Variants in XKR6 observed in about 807,000 individuals in gnomAD.
The protein encoded by XKR6 is XK related 6.
A neutral mutation model predicts 56.7 loss-of-function variants in XKR6; 22 were observed. That is an observed-to-expected ratio of 0.39 (90% CI 0.28 to 0.55). The LOEUF is 0.55. XKR6 is among the 20% of genes least tolerant of loss of function. The pLI is 0.66. For synonymous variants in XKR6, 524 were observed against 387.8 expected (o/e 1.35, Z -4.13); for missense variants, 852 against 889.0 (o/e 0.96, Z 0.53).
intron 1 of XKR6, among the ~76,000 whole-genome samples, chr8:11,196,874 A>T (rs1803918757): frequency 6.6e-6 from 1 of 152,210 alleles, no homozygotes; most frequent in African/African-American, 2.4e-5. Context: ...GACCCATAAT[A>T]AACTAAGTAT....
chr8:11,135,057 G>T (rs1450563583), intron 1 of XKR6, among the ~76,000 whole-genome samples: 1 of 149,040 alleles, frequency 6.7e-6, no homozygotes, highest in South Asian at 2.1e-4. Flanking sequence ...TTTTGAGGCG[G>T]AGTCTCCCTC....
intron 1 of XKR6, among the ~76,000 whole-genome samples, chr8:10,946,552 C>A (rs960261861): frequency 6.6e-6 from 1 of 151,986 alleles, no homozygotes; most frequent in Admixed American, 6.6e-5. Flanking sequence ...GCGTGTCCTG[C>A]GGTTTTCCCT....
chr8:11,028,882 C>T (rs926502354), intron 1 of XKR6, among the ~76,000 whole-genome samples: 1 of 152,188 alleles, frequency 6.6e-6, no homozygotes, highest in Non-Finnish European at 1.5e-5. Context: ...CAAGGTCACA[C>T]TGCTGGCAGG....
intron 1 of XKR6, chr8:11,106,813 T>G (rs1275259125): frequency 4.5e-5 from 6 of 133,526 alleles, no homozygotes; most frequent in South Asian, 2.4e-4. Flanking sequence ...TCATGCCACT[T>G]GTACTCCAGC....
intron 1 of XKR6, among the ~76,000 whole-genome samples, chr8:11,002,082 C>T (rs12547653): frequency 2.1e-5 from 2 of 96,144 alleles, no homozygotes; most frequent in East Asian, 4.5e-4. Context: ...AAAAAAAAAA[C>T]ACACAAAAAA....
intron 1 of XKR6, among the ~76,000 whole-genome samples, chr8:10,998,385 G>A (rs1472940870): frequency 2.6e-5 from 4 of 152,162 alleles, no homozygotes; most frequent in Non-Finnish European, 4.4e-5. Context: ...TGACCTGCAA[G>A]CCCTAGAATA....
At chr8:11,081,358 A>G (rs1305242073) in intron 1 of XKR6, among the ~76,000 whole-genome samples, 1 of 152,214 alleles carries the variant, frequency 6.6e-6, no homozygotes, top group African/African-American at 2.4e-5. Context: ...TCCAATGTCA[A>G]ATAGGTTATC....
chr8:11,100,218 A>G (rs1277941838), intron 1 of XKR6, among the ~76,000 whole-genome samples: 1 of 152,010 alleles, frequency 6.6e-6, no homozygotes, highest in Admixed American at 6.5e-5. Context: ...ATGCCGAGCT[A>G]ATTTTCCGTA....
At chr8:11,039,728 C>T (rs1438565761) in intron 1 of XKR6, among the ~76,000 whole-genome samples, 4 of 152,234 alleles carry the variant, frequency 2.6e-5, no homozygotes, top group African/African-American at 9.6e-5. Flanking sequence ...CCAAGGACGG[C>T]AGCTGAGACC....
chr8:11,089,161 G>C (rs1797985976), intron 1 of XKR6, among the ~76,000 whole-genome samples: 1 of 152,158 alleles, frequency 6.6e-6, no homozygotes. Context: ...AATGAAACCA[G>C]GGAGTGGAGG....
chr8:11,151,307 T>C (rs992923563), intron 1 of XKR6, among the ~76,000 whole-genome samples: 3 of 152,226 alleles, frequency 2.0e-5, no homozygotes, highest in South Asian at 2.1e-4. Flanking sequence ...AGTTCATGTA[T>C]ACTAATAAAA....
At chr8:11,059,672 AGGTGCGGCG>A (rs879671889) in intron 1 of XKR6, among the ~76,000 whole-genome samples, 11,189 of 147,088 alleles carry the variant, frequency 0.076, 1,340 homozygotes, top group African/African-American at 0.25. Flanking sequence ...GGGGCGGGAC[AGGTGCGGCG>A]GGCGCGGGGC....
intron 1 of XKR6, among the ~76,000 whole-genome samples, chr8:10,945,178 A>G (rs1801497543): frequency 6.6e-6 from 1 of 152,104 alleles, no homozygotes; most frequent in South Asian, 2.1e-4. Flanking sequence ...GTTGCAAAAA[A>G]CTTGATTAAA....
intron 1 of XKR6, among the ~76,000 whole-genome samples, chr8:11,110,699 T>G (rs898802479): frequency 3.9e-5 from 6 of 152,216 alleles, no homozygotes; most frequent in Non-Finnish European, 1.5e-5. Flanking sequence ...GAAAAAAAGA[T>G]AGCCGCTCGA....
intron 1 of XKR6, among the ~76,000 whole-genome samples, chr8:11,157,218 C>T (rs775925465): frequency 1.6e-4 from 24 of 152,106 alleles, no homozygotes; most frequent in Non-Finnish European, 2.9e-4. Flanking sequence ...GCAGAGGAGA[C>T]AGAGACATGA....
At chr8:11,085,486 G>T (rs1011141762) in intron 1 of XKR6, among the ~76,000 whole-genome samples, 1 of 152,088 alleles carries the variant, frequency 6.6e-6, no homozygotes, top group African/African-American at 2.4e-5. Context: ...GTGTGTGCAT[G>T]TCTGTGCTTG....
chr8:11,194,333 C>G (rs6994158), intron 1 of XKR6: 1 of 152,170 alleles, frequency 6.6e-6, no homozygotes, highest in Admixed American at 6.5e-5. Flanking sequence ...CTTAATTCCA[C>G]CAGTCATTCC....
chr8:11,098,341 T>C (rs1275645487), intron 1 of XKR6, among the ~76,000 whole-genome samples: 1 of 152,050 alleles, frequency 6.6e-6, no homozygotes. Context: ...TCAATCCTGG[T>C]AGCATTATTT....
intron 1 of XKR6, among the ~76,000 whole-genome samples, chr8:10,945,981 C>T (rs138180801): frequency 3.9e-5 from 6 of 152,220 alleles, no homozygotes; most frequent in South Asian, 2.1e-4. Flanking sequence ...CTAGCCCCCA[C>T]GCAGTCTTTC....
Sources: allele counts gnomAD v4.1 joint callset (sites outside exome capture counted in the v4.1 genomes callset), GRCh38; gene constraint gnomAD v4.1.1; transcripts MANE v1.5; gene names NCBI Gene and HGNC (gene_info 2026-07-23, HGNC 2026-07-21).